The following MGAT5B variants were observed in gnomAD, a reference collection of about 807,000 sequenced individuals.
MGAT5B encodes N-acetylglucosaminyl-transferase Vb.
A neutral mutation model predicts 95.1 loss-of-function variants in MGAT5B; 54 were observed. The observed-to-expected ratio is 0.57, with a 90% CI of 0.46 to 0.71. MGAT5B has a LOEUF of 0.71. MGAT5B is among the 30% of genes least tolerant of loss of function. The pLI is 0.00. For missense variants in MGAT5B, 935 were observed against 1,088.6 expected, an observed-to-expected ratio of 0.86 and a Z score of 1.99; for synonymous variants, 464 against 451.0, an observed-to-expected ratio of 1.03 and a Z score of -0.36.
chr17:76,879,255 C>T (rs776014261), intron 2 of MGAT5B, among the ~76,000 whole-genome samples: 12 of 152,128 alleles, frequency 7.9e-5, no homozygotes, highest in Admixed American at 2.6e-4. Flanking sequence ...ACCAGTAGTG[C>T]AGCAGGCAGG....
intron 3 of MGAT5B, among the ~76,000 whole-genome samples, chr17:76,886,233 A>G (rs1967624853): frequency 6.6e-6 from 1 of 152,232 alleles, no homozygotes; most frequent in African/African-American, 2.4e-5. Flanking sequence ...TAGTGTGTGC[A>G]GAGTCTGGGC....
At chr17:76,872,768 C>T (rs1967053971) in intron 1 of MGAT5B, 83 bp from the exon 2 acceptor site, 1 of 1,611,642 alleles carries the variant, frequency 6.2e-7, no homozygotes, top group Admixed American at 1.7e-5. Context: ...ATTCGTAAAA[C>T]ATTTGTGCAG....
Position 76,901,090 on chromosome 17 carries a change from A to T in MGAT5B, c.330-1465A>T, listed in dbSNP as rs189679952. 2.0e-5 allele frequency among the ~76,000 whole-genome samples: 3 copies of T among 152,082 alleles called. No homozygotes were observed. The East Asian group carries it at 5.8e-4, about 29-fold the overall frequency. On this transcript the variant is annotated intron_variant, in intron 3 of 17. Transcript: ENST00000569840. Reference sequence around the variant, plus strand: ...ACCTGTCACCCTGACTAGTCCCCCGATGTGTATGGGGCCACTGCCCTTTCT... The same window carrying T: ...ACCTGTCACCCTGACTAGTCCCCCGTTGTGTATGGGGCCACTGCCCTTTCT...
chr17:76,924,191 G>A (rs1191670907), intron 8 of MGAT5B: 2 of 152,248 alleles, frequency 1.3e-5, no homozygotes, highest in Non-Finnish European at 2.9e-5. Flanking sequence ...AGCAGATGTG[G>A]GGATTCTAGA....
At chr17:76,880,603 T>C (rs112804797) in intron 2 of MGAT5B, among the ~76,000 whole-genome samples, 37 of 152,336 alleles carry the variant, frequency 2.4e-4, no homozygotes, top group African/African-American at 8.9e-4. Flanking sequence ...TCCTGTGGTC[T>C]GCAGACGGGG....
intron 3 of MGAT5B, chr17:76,882,627 C>A (rs1446736200): frequency 1.3e-5 from 3 of 223,498 alleles, no homozygotes; most frequent in Admixed American, 5.8e-5. Context: ...GTTTAACACA[C>A]ACACATTATA....
rs748857223 is a variant in MGAT5B, at chr17:76,906,647, A to G, written c.1025+460A>G. Among the ~76,000 whole-genome samples the G allele has an allele frequency of 6.6e-6, 1 of 151,968 alleles. No individual in the cohort carries two copies. The highest frequency in any genetic ancestry group is 2.4e-5 in the African/African-American group (1 of 41,322). ...GGTGGGTGGTGCCTGTCCCTTACCCAGTGCTGGGCTTTTCACGGTCCCTTG... is the reference window on the plus strand; with the variant it reads ...GGTGGGTGGTGCCTGTCCCTTACCCGGTGCTGGGCTTTTCACGGTCCCTTG... On this transcript the variant is annotated intron_variant, in intron 8 of 17. Coordinates refer to ENST00000569840, the MANE Select transcript of MGAT5B (RefSeq NM_001199172.2). This position sits in a 1 kb window ranked among gnomAD's most constrained non-coding sequence, Gnocchi z 4.6.
At chr17:76,878,268 G>A (rs575944006) in intron 2 of MGAT5B, among the ~76,000 whole-genome samples, 1 of 152,164 alleles carries the variant, frequency 6.6e-6, no homozygotes, top group Non-Finnish European at 1.5e-5. Context: ...GGAAGGGGTA[G>A]GGGCTGTCTC....
intron 2 of MGAT5B, among the ~76,000 whole-genome samples, chr17:76,876,123 G>A (rs974324268): frequency 3.3e-5 from 5 of 152,148 alleles, no homozygotes; most frequent in African/African-American, 9.7e-5. Context: ...GACTCAGGCC[G>A]GGAAAGCAGT....
At chr17:76,880,129 G>A (rs970500744) in intron 2 of MGAT5B, among the ~76,000 whole-genome samples, 4 of 152,046 alleles carry the variant, frequency 2.6e-5, no homozygotes, top group African/African-American at 7.2e-5. Flanking sequence ...TCCAATACCC[G>A]ACCCCCTCCG....
At chr17:76,927,367 G>A (rs1325480353) in intron 10 of MGAT5B, among the ~76,000 whole-genome samples, 2 of 152,092 alleles carry the variant, frequency 1.3e-5, no homozygotes, top group Non-Finnish European at 2.9e-5. Flanking sequence ...AGCCTCCCGA[G>A]TAGCTGGCTT....
intron 3 of MGAT5B, among the ~76,000 whole-genome samples, chr17:76,885,146 G>T (rs1457898151): frequency 6.6e-6 from 1 of 152,174 alleles, no homozygotes; most frequent in Non-Finnish European, 1.5e-5. Context: ...GGGAGTGCCT[G>T]CAAAGGGATC....
Position 76,868,991 on chromosome 17 carries a change from G to C in MGAT5B, c.-39G>C. On this transcript the variant is annotated 5_prime_UTR_variant, in exon 1 of 18. Coordinates refer to ENST00000569840, the MANE Select transcript of MGAT5B (RefSeq NM_001199172.2). The surrounding 1 kb of genome is among the most constrained non-coding windows in gnomAD (Gnocchi z 6.3). ...GAGCTGGGCCCAGGACGGTGCGTCC[G>C]GCCTCGCCCGCGGCTGCTCGCACCA... The C allele has an allele frequency of 6.2e-7, 1 of 1,602,588 alleles. No individual in the cohort carries two copies. The highest frequency in any genetic ancestry group is 1.7e-5 in the Admixed American group (1 of 59,970).
chr17:76,868,724 G>T lies in MGAT5B; in HGVS notation c.-306G>T. 5.8e-6 allele frequency: 1 copy of T among 173,554 alleles called. No homozygotes were observed. The highest frequency in any genetic ancestry group is 2.0e-4 in the South Asian group (1 of 5,044). The allele number at this position is 173,554 out of a possible 1,614,324, so 10.8% of individuals were successfully genotyped here. ...ACCTTCCCGCCCAGCGAGCGAGCCCGAGCAGGCAGACGCGCGGCCGGCGGT... is the reference window on the plus strand; with the variant it reads ...ACCTTCCCGCCCAGCGAGCGAGCCCTAGCAGGCAGACGCGCGGCCGGCGGT... On this transcript the variant is annotated 5_prime_UTR_variant, in exon 1 of 18. Transcript: ENST00000569840. This position sits in a 1 kb window ranked among gnomAD's most constrained non-coding sequence, Gnocchi z 6.3.
At position 76,923,642 on chromosome 17, in the gene MGAT5B, G is replaced by A. The variant is rs115942279; in HGVS notation, c.1026-1324G>A. Among the ~76,000 whole-genome samples, 993 of 152,300 alleles carry A rather than the reference G, an allele frequency of 6.5e-3. 13 individuals are homozygous for A. The highest frequency in any genetic ancestry group is 0.023 in the African/African-American group (951 of 41,562). On this transcript the variant is annotated intron_variant, in intron 8 of 17. Coordinates refer to ENST00000569840, the MANE Select transcript of MGAT5B (RefSeq NM_001199172.2). ...ACGCCTCCACCGTGCCTCAGCACAC[G>A]CTGATCAGATCTCTGCTCCAGCACC...
chr17:76,891,219 C>T (rs1967856059), intron 3 of MGAT5B, among the ~76,000 whole-genome samples: 1 of 151,698 alleles, frequency 6.6e-6, no homozygotes, highest in South Asian at 2.1e-4. Context: ...CCTGCCTTGG[C>T]CTCTCAAACT....
intron 9 of MGAT5B, among the ~76,000 whole-genome samples, chr17:76,925,475 G>T (rs1969284789): frequency 6.6e-6 from 1 of 150,412 alleles, no homozygotes; most frequent in South Asian, 2.1e-4. Context: ...GAGCAGCTCA[G>T]CACACCCCTC....
chr17:76,881,063 A>G (rs2145131869), intron 2 of MGAT5B, among the ~76,000 whole-genome samples: 1 of 152,118 alleles, frequency 6.6e-6, no homozygotes, highest in Non-Finnish European at 1.5e-5. Context: ...GGAGGAGCTG[A>G]GTTGCGGATT....
intron 8 of MGAT5B, among the ~76,000 whole-genome samples, chr17:76,921,288 C>T (rs149935685): frequency 1.3e-5 from 2 of 152,296 alleles, no homozygotes; most frequent in Admixed American, 6.5e-5. Flanking sequence ...AGGAAGTGTC[C>T]GGTCTCACTT....
Sources: gnomAD v4.1 joint callset for allele counts (sites outside exome capture counted in the v4.1 genomes callset) on GRCh38, gnomAD v4.1.1 for gene constraint, Gnocchi (gnomAD v3.1) non-coding constraint, MANE v1.5 for transcripts, NCBI Gene and HGNC (gene_info 2026-07-23, HGNC 2026-07-21) for gene names.